Variants in CACNA2D3 observed in about 807,000 individuals in gnomAD.
CACNA2D3 encodes the protein voltage-dependent calcium channel subunit alpha-2/delta-3.
CACNA2D3 carries 60 observed loss-of-function variants against 160.6 expected under a neutral mutation model. The observed-to-expected ratio is 0.37, with a 90% CI of 0.30 to 0.46. The LOEUF is 0.46. Ranked by LOEUF, CACNA2D3 falls within the 20% of genes least tolerant of loss-of-function variation. CACNA2D3 has a pLI of 1.00. For synonymous variants in CACNA2D3, 558 were observed against 492.9 expected (o/e 1.13, Z -1.75); for missense variants, 1,205 against 1,365.0 (o/e 0.88, Z 1.85).
At chr3:54,955,375 T>C (rs1021093967) in intron 27 of CACNA2D3, among the ~76,000 whole-genome samples, 1 of 152,164 alleles carries the variant, frequency 6.6e-6, no homozygotes, top group African/African-American at 2.4e-5. Context: ...ACTCCCACTC[T>C]CTTCTCTGGT....
chr3:54,319,972 C>G (rs1316813480), intron 2 of CACNA2D3, among the ~76,000 whole-genome samples: 1 of 152,152 alleles, frequency 6.6e-6, no homozygotes, highest in Non-Finnish European at 1.5e-5. Context: ...TGAAGAAAAT[C>G]TGGCTTCACA....
intron 17 of CACNA2D3, among the ~76,000 whole-genome samples, chr3:54,866,986 A>G (rs113893020): frequency 4.7e-4 from 72 of 151,816 alleles, no homozygotes; most frequent in African/African-American, 1.6e-3. Context: ...TAAAACAGGC[A>G]CCAAAAACTA....
chr3:54,976,219 TG>T (rs1702388581), intron 29 of CACNA2D3, among the ~76,000 whole-genome samples: 1 of 151,552 alleles, frequency 6.6e-6, no homozygotes, highest in African/African-American at 2.4e-5. Flanking sequence ...AGAAAGAGTG[TG>T]GGCTTTGGAG....
chr3:54,901,062 G>GT (rs1000430657), intron 27 of CACNA2D3: 5 of 152,140 alleles, frequency 3.3e-5, no homozygotes, highest in Admixed American at 3.3e-4. Context: ...TTCAAATTTT[G>GT]TCACTTAATG....
chr3:54,970,555 G>T (rs113067406), intron 29 of CACNA2D3, among the ~76,000 whole-genome samples: 2,494 of 25,924 alleles, frequency 0.096, no homozygotes, highest in Middle Eastern at 0.12. Context: ...CCTCCCCTCC[G>T]TTCCTCACCC....
chr3:54,167,808 G>T (rs1409585653), intron 2 of CACNA2D3, among the ~76,000 whole-genome samples: 1 of 152,232 alleles, frequency 6.6e-6, no homozygotes, highest in Non-Finnish European at 1.5e-5. Context: ...GAGGCTTTAA[G>T]TCTTGGGACA....
At chr3:54,908,193 T>C (rs1700486065) in intron 27 of CACNA2D3, among the ~76,000 whole-genome samples, 1 of 152,236 alleles carries the variant, frequency 6.6e-6, no homozygotes, top group African/African-American at 2.4e-5. Context: ...AACATTCCAA[T>C]TTTTCTACAT....
chr3:54,643,388 C>T (rs1037249312), intron 11 of CACNA2D3, among the ~76,000 whole-genome samples: 1 of 152,160 alleles, frequency 6.6e-6, no homozygotes, highest in Admixed American at 6.5e-5. Flanking sequence ...AGACTACGTA[C>T]ATTTTGTGCA....
rs1701876767 is a variant in CACNA2D3 at position 54,752,470 on chromosome 3, A to G, written c.1168-129A>G. ...GCTGACTATACTTCAGATGTCTTAA[A>G]TATGTTCCTGCAGATGGGAAGCATG... On this transcript the variant is annotated intron_variant, in intron 11 of 37. Coordinates refer to ENST00000474759, the MANE Select transcript of CACNA2D3 (RefSeq NM_018398.3). 1.7e-5 allele frequency: 11 copies of G among 659,652 alleles called. No individual in the cohort carries two copies. The South Asian group carries it at 1.8e-4, about 11-fold the overall frequency. 40.9% of individuals were successfully genotyped at this position (659,652 alleles called of 1,614,324 possible). A position where few individuals can be genotyped will look rare whatever the true frequency, so the allele number is the denominator to read the frequency against.
chr3:54,592,689 A>G (rs1249161909), intron 9 of CACNA2D3, among the ~76,000 whole-genome samples: 1 of 152,190 alleles, frequency 6.6e-6, no homozygotes, highest in Non-Finnish European at 1.5e-5. Flanking sequence ...CCTGAAATCC[A>G]CTGAATTTCA....
intron 4 of CACNA2D3, among the ~76,000 whole-genome samples, chr3:54,402,284 A>G (rs1699482218): frequency 6.6e-6 from 1 of 152,194 alleles, no homozygotes; most frequent in Non-Finnish European, 1.5e-5. Flanking sequence ...TTTACCTATC[A>G]ATAATTACGA....
At chr3:54,331,304 G>T (rs1704246865) in intron 3 of CACNA2D3, among the ~76,000 whole-genome samples, 1 of 152,162 alleles carries the variant, frequency 6.6e-6, no homozygotes, top group Admixed American at 6.5e-5. Flanking sequence ...GCATCAGCAT[G>T]AATGTCTCTA....
intron 24 of CACNA2D3, 68 bp downstream of exon 24, chr3:54,888,120 T>C (rs1371555691): frequency 6.5e-6 from 8 of 1,222,630 alleles, no homozygotes; most frequent in Middle Eastern, 1.9e-4. Context: ...ATGGTTATGG[T>C]TTAAAGAACT....
chr3:54,900,208 T>C (rs925981932), intron 27 of CACNA2D3, among the ~76,000 whole-genome samples: 1 of 152,178 alleles, frequency 6.6e-6, no homozygotes, highest in Non-Finnish European at 1.5e-5. Flanking sequence ...GTCATTAGGA[T>C]GACAGTGGGC....
chr3:54,564,006 C>T lies in CACNA2D3; in HGVS notation c.676+1075C>T, dbSNP rs886212315. 1.1e-4 allele frequency among the ~76,000 whole-genome samples: 17 copies of T among 152,278 alleles called. No individual in the cohort carries two copies. The South Asian group carries it at 3.1e-3, about 28-fold the overall frequency. On this transcript the variant is annotated intron_variant, in intron 6 of 37. Coordinates refer to ENST00000474759, the MANE Select transcript of CACNA2D3 (RefSeq NM_018398.3). ...AATAAGCATCCTATTAAAGATAATG[C>T]CATAATAAACAGTGGACGATTAAAG... is the stretch of plus-strand genomic sequence containing the variant.
intron 3 of CACNA2D3, among the ~76,000 whole-genome samples, chr3:54,351,583 G>C (rs1176770643): frequency 6.6e-6 from 1 of 152,116 alleles, no homozygotes; most frequent in African/African-American, 2.4e-5. Context: ...AGTTTATATG[G>C]TTCCATTTTG....
chr3:54,262,095 A>G (rs1702411352), intron 2 of CACNA2D3, among the ~76,000 whole-genome samples: 2 of 152,136 alleles, frequency 1.3e-5, no homozygotes, highest in Non-Finnish European at 2.9e-5. Context: ...TCCATATTTC[A>G]CTTTAGCACG....
intron 9 of CACNA2D3, among the ~76,000 whole-genome samples, chr3:54,617,955 T>G (rs949627201): frequency 3.3e-5 from 5 of 151,904 alleles, no homozygotes; most frequent in African/African-American, 9.7e-5. Context: ...GTTTGGGTTT[T>G]TTTTTTTTTT....
At chr3:54,914,321 A>T (rs1470934185) in intron 27 of CACNA2D3, among the ~76,000 whole-genome samples, 1 of 152,170 alleles carries the variant, frequency 6.6e-6, no homozygotes, top group Non-Finnish European at 1.5e-5. Flanking sequence ...TCAGCAGATA[A>T]CTTTGTCATG....
Sources: gnomAD v4.1 joint callset for allele counts (sites outside exome capture counted in the v4.1 genomes callset) on GRCh38, gnomAD v4.1.1 for gene constraint, MANE v1.5 for transcripts, NCBI Gene and HGNC (gene_info 2026-07-23, HGNC 2026-07-21) for gene names.